The following NREP variants were observed in gnomAD, a reference collection of about 807,000 sequenced individuals.
NREP encodes neuronal regeneration related protein.
In NREP, 5 loss-of-function variants were observed where a neutral mutation model predicts 8.6. That is an observed-to-expected ratio of 0.58 (90% CI 0.30 to 1.22). The LOEUF (loss-of-function observed/expected upper bound fraction) is 1.22, where lower values mean the gene tolerates loss of function less well. Ranked by LOEUF, NREP falls within the 50% of genes most tolerant of loss-of-function variation. NREP has a pLI of 0.07. For synonymous variants in NREP, 27 were observed against 28.0 expected (o/e 0.96, Z 0.11); for missense variants, 86 against 82.5 (o/e 1.04, Z -0.17).
upstream of NREP, chr5:111,757,593 G>T: frequency 1.0e-6 from 1 of 983,752 alleles, no homozygotes; most frequent in African/African-American, 1.8e-5. Context: ...GGGCCCCGTC[G>T]GCGAGCGGCC....
chr5:111,774,448 C>T (rs184161310), intron 2 of NREP, among the ~76,000 whole-genome samples: 1 of 152,128 alleles, frequency 6.6e-6, no homozygotes, highest in Non-Finnish European at 1.5e-5. Flanking sequence ...GGATGATTAT[C>T]CTGGATTATC....
At chr5:111,855,462 C>T (rs1357512252) in intron 2 of NREP, among the ~76,000 whole-genome samples, 2 of 152,022 alleles carry the variant, frequency 1.3e-5, no homozygotes, top group Admixed American at 1.3e-4. Flanking sequence ...GTCTATAATC[C>T]CACCTCCCAA....
chr5:111,933,744 C>T (rs144654989), intron 2 of NREP, among the ~76,000 whole-genome samples: 1,933 of 152,112 alleles, frequency 0.013, 22 homozygotes, highest in South Asian at 0.035. Context: ...TTTCTATGAA[C>T]GAAAGAATAC....
intron 2 of NREP, among the ~76,000 whole-genome samples, chr5:111,970,538 T>G (rs1756782705): frequency 6.6e-6 from 1 of 152,040 alleles, no homozygotes; most frequent in African/African-American, 2.4e-5. Context: ...GCAAGAAGTC[T>G]TACTGGGTCG....
At chr5:111,759,146 A>T (rs992105103), upstream of NREP, among the ~76,000 whole-genome samples, 1 of 152,146 alleles carries the variant, frequency 6.6e-6, no homozygotes, top group African/African-American at 2.4e-5. Context: ...CTGGGGGCTG[A>T]TCTGCAAGTC....
At chr5:111,741,192 T>G (rs1479782118) in intron 2 of NREP, among the ~76,000 whole-genome samples, 1 of 152,250 alleles carries the variant, frequency 6.6e-6, no homozygotes, top group Admixed American at 6.5e-5. Flanking sequence ...GAAAGCCGAC[T>G]AGGGCAGCAC....
chr5:111,918,500 T>C (rs993477231), intron 2 of NREP, among the ~76,000 whole-genome samples: 3 of 152,182 alleles, frequency 2.0e-5, no homozygotes, highest in African/African-American at 7.2e-5. Context: ...ATGGTACTGG[T>C]AGCAAGACAG....
intron 2 of NREP, among the ~76,000 whole-genome samples, chr5:111,970,849 A>AAT (rs1756796049): frequency 1.4e-5 from 2 of 147,558 alleles, no homozygotes; most frequent in Admixed American, 1.4e-4. Flanking sequence ...AAAAAAAAAA[A>AAT]GAAAGAAGAA....
chr5:111,795,068 A>G (rs1751845973), intron 2 of NREP, among the ~76,000 whole-genome samples: 1 of 152,122 alleles, frequency 6.6e-6, no homozygotes, highest in Non-Finnish European at 1.5e-5. Context: ...AAAACAGTTA[A>G]CCAGTTTAAG....
chr5:111,958,245 T>C (rs1756379571), intron 2 of NREP, among the ~76,000 whole-genome samples: 1 of 151,892 alleles, frequency 6.6e-6, no homozygotes, highest in African/African-American at 2.4e-5. Context: ...GTTGATGAAT[T>C]ATAATACTAT....
At chr5:111,768,563 A>C (rs1751139903) in intron 2 of NREP, among the ~76,000 whole-genome samples, 1 of 152,068 alleles carries the variant, frequency 6.6e-6, no homozygotes, top group Non-Finnish European at 1.5e-5. Flanking sequence ...TGCCATCTTT[A>C]TGTCTATGAG....
chr5:111,912,425 T>C (rs1424606468), intron 2 of NREP: 3 of 152,284 alleles, frequency 2.0e-5, no homozygotes, highest in Non-Finnish European at 4.4e-5. Context: ...TTTCTATATA[T>C]TGTGACTGTA....
chr5:111,928,843 T>C (rs1230050719), intron 2 of NREP, among the ~76,000 whole-genome samples: 2 of 152,112 alleles, frequency 1.3e-5, no homozygotes, highest in African/African-American at 4.8e-5. Context: ...GGAAGTTTAT[T>C]CCTTAAAAAG....
At chr5:111,757,743 G>T (rs1026255585), upstream of NREP, 1 of 984,094 alleles carries the variant, frequency 1.0e-6, no homozygotes, top group African/African-American at 1.7e-5. Context: ...CCGGGAGCAC[G>T]GCGCGCGCAA....
intron 2 of NREP, among the ~76,000 whole-genome samples, chr5:111,933,509 G>T (rs1035134291): frequency 1.3e-5 from 2 of 151,940 alleles, no homozygotes; most frequent in African/African-American, 2.4e-5. Flanking sequence ...CTCCTTTTTG[G>T]CTTATTAGCT....
chr5:111,760,272 A>G (rs1032402016), upstream of NREP, among the ~76,000 whole-genome samples: 8 of 152,188 alleles, frequency 5.3e-5, no homozygotes, highest in Non-Finnish European at 8.8e-5. Context: ...AAATGTTCCA[A>G]GGGGTCAGGG....
intron 1 of NREP, among the ~76,000 whole-genome samples, chr5:111,975,813 T>A (rs1756946415): frequency 6.6e-6 from 1 of 152,202 alleles, no homozygotes; most frequent in African/African-American, 2.4e-5. Context: ...TTCCTGTTAT[T>A]CTTCCCCAAA....
intron 2 of NREP, among the ~76,000 whole-genome samples, chr5:111,883,808 G>A (rs1754153652): frequency 6.6e-6 from 1 of 151,810 alleles, no homozygotes; most frequent in Non-Finnish European, 1.5e-5. Context: ...AGAATCTCTG[G>A]GACACATTCA....
chr5:111,953,196 C>G (rs1447167868), intron 2 of NREP, among the ~76,000 whole-genome samples: 2 of 152,076 alleles, frequency 1.3e-5, no homozygotes, highest in Admixed American at 1.3e-4. Flanking sequence ...ACCAATGCAT[C>G]ACCTTGCAGG....
Sources: allele counts gnomAD v4.1 joint callset (sites outside exome capture counted in the v4.1 genomes callset), GRCh38; gene constraint gnomAD v4.1.1; transcripts MANE v1.5; gene names NCBI Gene and HGNC (gene_info 2026-07-23, HGNC 2026-07-21).